MAGI2: variants seen among roughly 807,000 people sequenced by gnomAD.
MAGI2 encodes membrane-associated guanylate kinase, WW and PDZ domain-containing protein 2.
In MAGI2, 35 loss-of-function variants were observed where a neutral mutation model predicts 133.3. The observed-to-expected ratio is 0.26, with a 90% confidence interval of 0.20 to 0.35. MAGI2 has a LOEUF of 0.35. MAGI2 is among the 10% of genes least tolerant of loss of function. MAGI2 has a pLI of 1.00. For synonymous variants in MAGI2, 729 were observed against 710.6 expected (o/e 1.03, Z -0.41); for missense variants, 1,636 against 1,863.4 (o/e 0.88, Z 2.25).
chr7:79,412,865 A>G (rs1039956516), intron 1 of MAGI2: 1 of 152,156 alleles, frequency 6.6e-6, no homozygotes, highest in African/African-American at 2.4e-5. Context: ...GTGTGGCCCT[A>G]AGGGAACAGC....
At chr7:78,933,204 C>T (rs1563679696) in intron 2 of MAGI2, among the ~76,000 whole-genome samples, 1 of 152,106 alleles carries the variant, frequency 6.6e-6, no homozygotes, top group Non-Finnish European at 1.5e-5. Context: ...GTTCTCCTCA[C>T]TCTCCAACTG....
chr7:78,763,818 T>C (rs182612005), intron 2 of MAGI2, among the ~76,000 whole-genome samples: 1 of 152,362 alleles, frequency 6.6e-6, no homozygotes, highest in Non-Finnish European at 1.5e-5. Context: ...ATCAATAATT[T>C]ATCTAGAAAC....
intron 6 of MAGI2, among the ~76,000 whole-genome samples, chr7:78,384,885 T>C (rs1043448365): frequency 2.0e-5 from 3 of 152,200 alleles, no homozygotes; most frequent in African/African-American, 4.8e-5. Flanking sequence ...AACCTAGGGC[T>C]GCTCACTAAA....
At chr7:78,941,733 C>CAG (rs1554613261) in intron 2 of MAGI2, among the ~76,000 whole-genome samples, 5 of 117,750 alleles carry the variant, frequency 4.2e-5, no homozygotes, top group African/African-American at 1.4e-4. Flanking sequence ...TTTCATCACA[C>CAG]ACACACACAC....
intron 9 of MAGI2, among the ~76,000 whole-genome samples, chr7:78,268,762 G>A (rs1189506244): frequency 6.6e-6 from 1 of 152,052 alleles, no homozygotes; most frequent in African/African-American, 2.4e-5. Flanking sequence ...TGCTTGAACT[G>A]AAAAGTATTA....
At chr7:78,584,529 G>T (rs62468651) in intron 3 of MAGI2, among the ~76,000 whole-genome samples, 22,401 of 151,124 alleles carry the variant, frequency 0.15, 2,121 homozygotes, top group Non-Finnish European at 0.22. Context: ...ATGAAATGAT[G>T]AAGGTGTTAA....
At chr7:79,017,049 A>T (rs1251652922) in intron 1 of MAGI2, among the ~76,000 whole-genome samples, 1 of 152,250 alleles carries the variant, frequency 6.6e-6, no homozygotes, top group East Asian at 1.9e-4. Flanking sequence ...AGGCCAGCAC[A>T]TCTGTTCCCA....
intron 1 of MAGI2, among the ~76,000 whole-genome samples, chr7:79,333,391 G>A (rs1840223184): frequency 6.6e-6 from 1 of 152,120 alleles, no homozygotes; most frequent in Admixed American, 6.5e-5. Context: ...CTCCCAAAGT[G>A]CTGGGATTAC....
chr7:79,219,321 A>G (rs920143645), intron 1 of MAGI2, among the ~76,000 whole-genome samples: 3 of 152,070 alleles, frequency 2.0e-5, no homozygotes, highest in Non-Finnish European at 4.4e-5. Flanking sequence ...CAGGAAACAA[A>G]TGGTAAAAGG....
intron 6 of MAGI2, among the ~76,000 whole-genome samples, chr7:78,428,022 G>A (rs914343447): frequency 1.3e-5 from 2 of 152,076 alleles, no homozygotes; most frequent in Non-Finnish European, 2.9e-5. Context: ...TAAATGAGAA[G>A]TTCTCAGAGA....
At chr7:78,858,412 C>G (rs1053118350) in intron 2 of MAGI2, among the ~76,000 whole-genome samples, 1 of 152,220 alleles carries the variant, frequency 6.6e-6, no homozygotes, top group Non-Finnish European at 1.5e-5. Flanking sequence ...TCCCTCTACA[C>G]ACTGCTTTAA....
chr7:79,145,800 T>C (rs960701065), intron 1 of MAGI2, among the ~76,000 whole-genome samples: 5 of 152,224 alleles, frequency 3.3e-5, no homozygotes, highest in Admixed American at 3.3e-4. Context: ...CCAAGGCTGA[T>C]GCTAGTTGAA....
At chr7:79,035,711 T>C (rs973981612) in intron 1 of MAGI2, among the ~76,000 whole-genome samples, 2 of 152,182 alleles carry the variant, frequency 1.3e-5, no homozygotes, top group African/African-American at 4.8e-5. Flanking sequence ...GTAAACCTAT[T>C]AATTTCTTAT....
intron 21 of MAGI2, among the ~76,000 whole-genome samples, chr7:78,070,606 GTATATATATA>G (rs200495407): frequency 2.0e-5 from 1 of 49,056 alleles, no homozygotes; most frequent in Non-Finnish European, 6.5e-5. Context: ...GTATATATGT[GTATATATATA>G]TGTGTGTGTG....
At chr7:79,074,755 A>T (rs1815314424) in intron 1 of MAGI2, among the ~76,000 whole-genome samples, 1 of 152,234 alleles carries the variant, frequency 6.6e-6, no homozygotes, top group South Asian at 2.1e-4. Context: ...TCAAACATGC[A>T]TGATGGGAAA....
At position 79,254,387 on chromosome 7, in the gene MAGI2, G is replaced by C. The variant is rs115907950; in HGVS notation, c.301+198633C>G. Reference sequence around the variant, plus strand: ...ATTTGCATGTATAATATGTATCCATGTTTTCCTTTATAGCCTCCAAATTTA... The same window carrying C: ...ATTTGCATGTATAATATGTATCCATCTTTTCCTTTATAGCCTCCAAATTTA... On this transcript the variant is annotated intron_variant, in intron 1 of 21. Transcript: ENST00000354212. Among the ~76,000 whole-genome samples the C allele has an allele frequency of 4.5e-3, 682 of 152,174 alleles. 5 individuals carry two copies. The highest frequency in any genetic ancestry group is 0.016 in the African/African-American group (656 of 41,540).
At chr7:78,319,330 G>T (rs996471304) in intron 9 of MAGI2, among the ~76,000 whole-genome samples, 1 of 151,434 alleles carries the variant, frequency 6.6e-6, no homozygotes, top group Non-Finnish European at 1.5e-5. Context: ...AAAAAACAGG[G>T]GTTGCAATCC....
intron 1 of MAGI2, among the ~76,000 whole-genome samples, chr7:79,020,153 C>T (rs1809153976): frequency 6.6e-6 from 1 of 152,130 alleles, no homozygotes; most frequent in Non-Finnish European, 1.5e-5. Flanking sequence ...ATAAAGGTGA[C>T]TCTTGCTATG....
At chr7:78,199,058 A>C (rs1382300893) in intron 11 of MAGI2, among the ~76,000 whole-genome samples, 1 of 152,186 alleles carries the variant, frequency 6.6e-6, no homozygotes, top group Non-Finnish European at 1.5e-5. Context: ...TTCTGACCCA[A>C]GATATCATCA....
Sources: gnomAD v4.1 joint callset for allele counts (sites outside exome capture counted in the v4.1 genomes callset) on GRCh38, gnomAD v4.1.1 for gene constraint, MANE v1.5 for transcripts, NCBI Gene and HGNC (gene_info 2026-07-23, HGNC 2026-07-21) for gene names.